MYO7A: variants seen among roughly 807,000 people sequenced by gnomAD.
MYO7A encodes myosin VIIA.
Under a neutral mutation model 263.8 loss-of-function variants are expected in MYO7A, and 210 were observed. The ratio of observed to expected loss-of-function variants is 0.80; its 90% confidence interval spans 0.71 to 0.89. The LOEUF (loss-of-function observed/expected upper bound fraction) is 0.89, where lower values mean the gene tolerates loss of function less well. Ranked by LOEUF, MYO7A falls within the 40% of genes least tolerant of loss-of-function variation. The pLI, the probability that MYO7A is intolerant of heterozygous loss-of-function variation, is 0.00. For synonymous variants in MYO7A, 1,239 were observed against 1,197.3 expected (o/e 1.03, Z -0.72); for missense variants, 2,820 against 2,968.3 (o/e 0.95, Z 1.16).
chr11:77,152,669 C>A (rs782291339), intron 4 of MYO7A, among the ~76,000 whole-genome samples: 1 of 151,934 alleles, frequency 6.6e-6, no homozygotes, highest in Admixed American at 6.6e-5. Flanking sequence ...GCTCAGCAAA[C>A]GTTGCTGAGC....
intron 19 of MYO7A, among the ~76,000 whole-genome samples, 190 bp downstream of exon 19, chr11:77,177,833 T>C (rs544718138): frequency 6.6e-6 from 1 of 152,280 alleles, no homozygotes; most frequent in South Asian, 2.1e-4. Context: ...ATGATTTACA[T>C]GGACCCATTG....
In MYO7A at chr11:77,189,427, C is replaced by T. The variant is rs1555090376; in HGVS notation, c.3587C>T (p.Ser1196Phe). The T allele has an allele frequency of 6.2e-7, 1 of 1,613,944 alleles. No individual in the cohort carries two copies. Among genetic ancestry groups the T allele is most frequent in the Non-Finnish European group, 8.5e-7 (1 of 1,179,886 alleles). The stretch of plus-strand genomic sequence containing the variant: ...TATGCCCGGGGCTGGATTCTCGTGT[C>T]TCTCTGCGTGGGCTGTTTCGCCCCC... ...SSYARGWILV[S>F]LCVGCFAPSE... Residue 1196 changes from serine to phenylalanine, a missense_variant, in exon 28 of 49, where the codon TCT becomes TTT. Coordinates refer to ENST00000409709, the MANE Select transcript of MYO7A (RefSeq NM_000260.4).
chr11:77,162,239 A>G lies in MYO7A; in HGVS notation c.1463A>G (p.Glu488Gly), dbSNP rs1295602405. The change falls in exon 13 of 49, where the codon GAG becomes GGG. Residue 488 changes from glutamate (E) to glycine (G), a missense_variant. By Grantham distance (98) the Glu-to-Gly change is moderately conservative. Coordinates refer to ENST00000409709, the MANE Select transcript of MYO7A (RefSeq NM_000260.4). ...GAGAGCATTGACTGGCTGCACATCG[A>G]GTTCACTGACAACCAGGATGCCCTG... ...DLESIDWLHI[E>G]FTDNQDALDM... 3 of 1,568,126 alleles carry G rather than the reference A, an allele frequency of 1.9e-6. No individual in the cohort carries two copies. The African/African-American group carries it at 4.1e-5, about 21-fold the overall frequency.
Position 77,197,519 on chromosome 11 carries a change from C to A in MYO7A, c.4362C>A (p.Val1454=), listed in dbSNP as rs374492441. The change falls in exon 33 of 49, where the codon GTC becomes GTA. Residue 1454 remains valine (V), a synonymous_variant. Coordinates refer to ENST00000409709, the MANE Select transcript of MYO7A (RefSeq NM_000260.4). ...YAQRRTDAQK[V]KEDVVSYARF... ...AGAGGAGAACTGATGCCCAGAAGGT[C>A]AAAGAGGATGTGGTCAGTTATGCCC... is the stretch of plus-strand genomic sequence containing the variant. 45 of 1,607,696 alleles carry A rather than the reference C, an allele frequency of 2.8e-5. No homozygotes were observed. Among genetic ancestry groups the A allele is most frequent in the Non-Finnish European group, 4.2e-6 (5 of 1,176,976 alleles).
Position 77,199,730 on chromosome 11 carries a change from G to A in MYO7A, c.4764G>A (p.Glu1588=), listed in dbSNP as rs763950680. 1 of 1,613,602 alleles carries A rather than the reference G, an allele frequency of 6.2e-7. No individual in the cohort carries two copies. The highest frequency in any genetic ancestry group is 8.5e-7 in the Non-Finnish European group (1 of 1,179,748). ...DEYTFTSSNA[E]DIRDLVVTFL... The stretch of plus-strand genomic sequence containing the variant: ...ACACCTTCACCTCCAGCAATGCTGA[G>A]GACATTCGTGACCTGGTGGTCACCT... Residue 1588 remains glutamate, a synonymous_variant, in exon 35 of 49, where the codon GAG becomes GAA. Transcript: ENST00000409709.
chr11:77,152,067 T>C (rs1210545355), intron 4 of MYO7A, among the ~76,000 whole-genome samples: 3 of 151,856 alleles, frequency 2.0e-5, no homozygotes, highest in Non-Finnish European at 4.4e-5. Context: ...GTAAAAGGGG[T>C]GATGGGGTGG....
chr11:77,188,796 T>G (rs1316748068), intron 27 of MYO7A, among the ~76,000 whole-genome samples: 2 of 152,196 alleles, frequency 1.3e-5, no homozygotes, highest in African/African-American at 4.8e-5. Context: ...AAGTCATACA[T>G]GGCCCCTTAA....
chr11:77,200,393 A>G (rs1347744287), intron 35 of MYO7A, among the ~76,000 whole-genome samples: 1 of 152,198 alleles, frequency 6.6e-6, no homozygotes, highest in African/African-American at 2.4e-5. Flanking sequence ...AGAAGGAAGG[A>G]AGAGAGCAGG....
intron 2 of MYO7A, among the ~76,000 whole-genome samples, chr11:77,137,643 G>A (rs976361488): frequency 1.1e-4 from 16 of 152,274 alleles, no homozygotes; most frequent in Non-Finnish European, 5.9e-5. Flanking sequence ...TGGCTGCTAG[G>A]ACACAGGAGG....
intron 15 of MYO7A, among the ~76,000 whole-genome samples, chr11:77,168,128 C>T (rs781935069): frequency 3.3e-5 from 5 of 152,204 alleles, no homozygotes; most frequent in Non-Finnish European, 7.3e-5. Flanking sequence ...TGGGCATACT[C>T]TGGTTAAACC....
At position 77,192,987 on chromosome 11, in the gene MYO7A, T is replaced by TGG. The variant is rs1956266813; in HGVS notation, c.4152+710_4152+711dup. Among the ~76,000 whole-genome samples, 4 of 94,078 alleles carry TGG rather than the reference T, an allele frequency of 4.3e-5. 1 individual carries two copies. The highest frequency in any genetic ancestry group is 3.0e-4 in the Admixed American group (3 of 10,106). 61.7% of individuals were successfully genotyped at this position (94,078 alleles called of 152,430 possible). ...GTGATGGTGGAGGTAGTTGTGATGG[T>TGG]GGAGGTAGTGATGCTGTTGGTGATG... On this transcript the variant is annotated intron_variant, in intron 31 of 48. Coordinates refer to ENST00000409709, the MANE Select transcript of MYO7A (RefSeq NM_000260.4).
At chr11:77,198,432 G>T in intron 33 of MYO7A, 63 bp from the exon 34 acceptor site, 2 of 1,589,984 alleles carry the variant, frequency 1.3e-6, no homozygotes, top group Non-Finnish European at 1.7e-6. Flanking sequence ...GCCGTTATGA[G>T]ATTGAGAAGG....
At position 77,205,487 on chromosome 11, in the gene MYO7A, C is replaced by T; in HGVS notation, c.5506C>T (p.Leu1836=). The T allele has an allele frequency of 6.3e-7, 1 of 1,585,946 alleles. No individual in the cohort carries two copies. The highest frequency in any genetic ancestry group is 8.6e-7 in the Non-Finnish European group (1 of 1,166,838). Residue 1836 remains leucine (L), a synonymous_variant, in exon 40 of 49, where the codon CTG becomes TTG. Transcript: ENST00000409709. ...IRYSEERGWE[L]LWLCTGLFPP... is the part of the protein sequence containing the mutation. ...GTACAGCGAGGAGCGGGGTTGGGAGCTGCTCTGGCTGTGCACGGGCCTTTT... is the reference window on the plus strand; with the variant it reads ...GTACAGCGAGGAGCGGGGTTGGGAGTTGCTCTGGCTGTGCACGGGCCTTTT...
intron 4 of MYO7A, among the ~76,000 whole-genome samples, chr11:77,154,647 C>T (rs1952277610): frequency 6.7e-6 from 1 of 149,304 alleles, no homozygotes; most frequent in African/African-American, 2.5e-5. Flanking sequence ...CCAGCTCTTC[C>T]TGCTTGGCTC....
At chr11:77,150,203 G>C (rs1455062325) in intron 4 of MYO7A, among the ~76,000 whole-genome samples, 1 of 152,232 alleles carries the variant, frequency 6.6e-6, no homozygotes, top group Non-Finnish European at 1.5e-5. Flanking sequence ...GGGTAAAATG[G>C]AAGTTTTCCC....
chr11:77,144,127 C>T (rs1377943114), intron 3 of MYO7A, among the ~76,000 whole-genome samples: 2 of 152,190 alleles, frequency 1.3e-5, no homozygotes, highest in South Asian at 2.1e-4. Context: ...GCATGAGTTT[C>T]CCCTGTCAGC....
Position 77,138,298 on chromosome 11 carries a change from C to T in MYO7A, c.19-4411C>T, listed in dbSNP as rs1555048517. Among the ~76,000 whole-genome samples, 1 of 151,768 alleles carries T rather than the reference C, an allele frequency of 6.6e-6. No homozygotes were observed. The highest frequency in any genetic ancestry group is 2.4e-5 in the African/African-American group (1 of 41,086). Reference sequence around the variant, plus strand: ...GGAGCCGGAGCAGTGCCGCCGTCGCCGTCGCAGCGCCATGGAGGACCCCGC... The same window carrying T: ...GGAGCCGGAGCAGTGCCGCCGTCGCTGTCGCAGCGCCATGGAGGACCCCGC... On this transcript the variant is annotated intron_variant, in intron 2 of 48. Coordinates refer to ENST00000409709, the MANE Select transcript of MYO7A (RefSeq NM_000260.4). The surrounding 1 kb of genome is among the most constrained non-coding windows in gnomAD (Gnocchi z 4.9).
At position 77,208,412 on chromosome 11, in the gene MYO7A, C is replaced by A; in HGVS notation, c.5857-18C>A. On this transcript the variant is annotated intron_variant, in intron 42 of 48. Transcript: ENST00000409709. ...AGTGTTGCTTAAACTGAGTGTGCTT[C>A]GATGGCCCTGACCCCAGGTCCTCAG... 1 of 1,586,590 alleles carries A rather than the reference C, an allele frequency of 6.3e-7. No homozygotes were observed. Among genetic ancestry groups the A allele is most frequent in the Non-Finnish European group, 8.6e-7 (1 of 1,156,988 alleles).
intron 4 of MYO7A, 32 bp downstream of exon 4, chr11:77,147,982 G>T: frequency 6.7e-7 from 1 of 1,491,070 alleles, no homozygotes; most frequent in South Asian, 1.3e-5. Context: ...GCCCGTCCAG[G>T]CCCCCTCAGG....
Sources: gnomAD v4.1 joint callset for allele counts (sites outside exome capture counted in the v4.1 genomes callset) on GRCh38, gnomAD v4.1.1 for gene constraint, Gnocchi (gnomAD v3.1) non-coding constraint, MANE v1.5 for transcripts, NCBI Gene and HGNC (gene_info 2026-07-23, HGNC 2026-07-21) for gene names.